Variants in CALY observed in about 807,000 individuals in gnomAD.
The protein encoded by CALY is neuron-specific vesicular protein calcyon.
In CALY, 15 loss-of-function variants were observed where a neutral mutation model predicts 20.2. The ratio of observed to expected loss-of-function variants is 0.74; its 90% confidence interval spans 0.50 to 1.14. CALY has a LOEUF of 1.14. Ranked by LOEUF, CALY falls within the 50% of genes most tolerant of loss-of-function variation. The probability of loss-of-function intolerance (pLI) is 0.00; values close to 1 mark genes in which losing one functional copy is unlikely to be tolerated. For synonymous variants in CALY, 129 were observed against 131.8 expected (o/e 0.98, Z 0.15); for missense variants, 270 against 304.4 (o/e 0.89, Z 0.84).
intron 1 of CALY, among the ~76,000 whole-genome samples, chr10:133,330,518 C>T (rs1360470203): frequency 7.1e-6 from 1 of 141,442 alleles, no homozygotes; most frequent in East Asian, 2.2e-4. Flanking sequence ...ATTAGCCGGG[C>T]GCGGTGGCGG....
Position 133,326,974 on chromosome 10 carries a change from C to T in CALY, c.264G>A (p.Met88Ile). ...CCAGTAGCGCCATGGCGAAGGCGAT[C>T]ATCCGTGCGGTGGGCAGCTGGCAGG... is the stretch of plus-strand genomic sequence containing the variant. The part of the protein sequence containing the change: ...EEGRRLPTAR[M>I]IAFAMALLGC... Residue 88 changes from methionine (M) to isoleucine (I), a missense_variant, in exon 4 of 6, where the codon ATG (methionine) becomes ATA (isoleucine). Coordinates refer to ENST00000252939, the MANE Select transcript of CALY (RefSeq NM_015722.4). The T allele has an allele frequency of 6.2e-7, 1 of 1,608,910 alleles. No individual in the cohort carries two copies. The highest frequency in any genetic ancestry group is 8.5e-7 in the Non-Finnish European group (1 of 1,178,704).
intron 2 of CALY, among the ~76,000 whole-genome samples, chr10:133,328,382 A>C (rs1460252307): frequency 6.6e-6 from 1 of 151,958 alleles, no homozygotes; most frequent in Non-Finnish European, 1.5e-5. Flanking sequence ...AGCAGGGACA[A>C]CTCGGGGTGC....
rs995082064 is a variant in CALY, at chr10:133,325,378, G to A, written c.*217C>T. 30 of 149,894 alleles carry A rather than the reference G, an allele frequency of 2.0e-4. No individual in the cohort carries two copies. Among genetic ancestry groups the A allele is most frequent in the Non-Finnish European group, 4.2e-4 (29 of 68,304 alleles). The allele number at this position is 149,894 out of a possible 1,614,324, so 9.3% of individuals were successfully genotyped here. A position where few individuals can be genotyped will look rare whatever the true frequency, so the allele number is the denominator to read the frequency against. On this transcript the variant is annotated 3_prime_UTR_variant, in exon 6 of 6. Coordinates refer to ENST00000252939, the MANE Select transcript of CALY (RefSeq NM_015722.4). ...TCACAACTGGCGGGGTGGGGGGCGG[G>A]AGAAAGGCCAGCCCGGCAGAGGACG...
chr10:133,329,678 A>G (rs1189657816), intron 1 of CALY, among the ~76,000 whole-genome samples: 1 of 152,134 alleles, frequency 6.6e-6, no homozygotes, highest in Non-Finnish European at 1.5e-5. Context: ...GACTCTAGAC[A>G]ACCTCCTAAA....
intron 3 of CALY, chr10:133,327,324 C>T (rs1848230800): frequency 2.0e-6 from 1 of 495,772 alleles, no homozygotes; most frequent in Admixed American, 3.5e-5. Context: ...GCCGCAGCCT[C>T]AGGGGAGTCG....
intron 2 of CALY, 82 bp from the exon 3 acceptor site, chr10:133,328,097 G>A: frequency 1.2e-6 from 1 of 843,112 alleles, no homozygotes; most frequent in South Asian, 1.4e-5. Context: ...GAGGGAGCCA[G>A]CGTCAGCTTC....
At chr10:133,331,568 A>T (rs10857701) in intron 1 of CALY, among the ~76,000 whole-genome samples, 27,300 of 152,158 alleles carry the variant, frequency 0.18, 2,821 homozygotes, top group African/African-American at 0.27. Flanking sequence ...AAAAGAGCTG[A>T]GGAGCAGGGA....
At chr10:133,326,473 C>G (rs953184603) in intron 4 of CALY, among the ~76,000 whole-genome samples, 1 of 151,642 alleles carries the variant, frequency 6.6e-6, no homozygotes, top group Non-Finnish European at 1.5e-5. Flanking sequence ...TAAAAACACA[C>G]TAAAAGCTAT....
chr10:133,328,635 G>A (rs1191669615), intron 2 of CALY, among the ~76,000 whole-genome samples: 5 of 152,210 alleles, frequency 3.3e-5, no homozygotes, highest in African/African-American at 7.2e-5. Flanking sequence ...GTGAATTCTC[G>A]GTTACCCATC....
At chr10:133,333,582 G>C (rs78557142) in intron 1 of CALY, among the ~76,000 whole-genome samples, 3,232 of 151,756 alleles carry the variant, frequency 0.021, 52 homozygotes, top group Middle Eastern at 0.034. Flanking sequence ...AGGATCCCAG[G>C]TGGGAAGGGT....
Position 133,324,516 on chromosome 10 carries a change from C to T in CALY, c.*1079G>A. 2.5e-6 allele frequency: 1 copy of T among 396,502 alleles called. No individual in the cohort carries two copies. The highest frequency in any genetic ancestry group is 1.7e-5 in the South Asian group (1 of 57,154). 24.6% of individuals were successfully genotyped at this position (396,502 alleles called of 1,614,324 possible). ...CTGCTGGCTGGGGTGGGCGGGGCTG[C>T]AGTGCTGCAATTGGCTGGGGTGGGC... On this transcript the variant is annotated 3_prime_UTR_variant, in exon 6 of 6. Coordinates refer to ENST00000252939, the MANE Select transcript of CALY (RefSeq NM_015722.4).
intron 1 of CALY, among the ~76,000 whole-genome samples, chr10:133,334,931 G>C (rs1037215535): frequency 6.6e-6 from 1 of 152,176 alleles, no homozygotes; most frequent in African/African-American, 2.4e-5. Flanking sequence ...CCGGGCTGAA[G>C]ACTCTTCCTG....
At chr10:133,326,149 G>A (rs772183544) in intron 4 of CALY, 29 bp from the exon 5 acceptor site, 1 of 1,590,032 alleles carries the variant, frequency 6.3e-7, no homozygotes, top group Non-Finnish European at 8.6e-7. Context: ...CAGGGTCGGT[G>A]GGGCTGAGCC....
chr10:133,335,250 T>G (rs1440709422), intron 1 of CALY, among the ~76,000 whole-genome samples: 1 of 151,878 alleles, frequency 6.6e-6, no homozygotes, highest in East Asian at 1.9e-4. Flanking sequence ...AAGCCCAGCC[T>G]CTCTACAGAC....
chr10:133,330,941 G>A (rs541694464), intron 1 of CALY, among the ~76,000 whole-genome samples: 35 of 152,266 alleles, frequency 2.3e-4, no homozygotes, highest in African/African-American at 7.7e-4. Flanking sequence ...TGAATCCAGC[G>A]AATACAACAA....
intron 4 of CALY, chr10:133,326,455 AG>A (rs1309675757): frequency 7.0e-6 from 4 of 572,032 alleles, no homozygotes; most frequent in Non-Finnish European, 1.3e-5. Context: ...GATAAATAAA[AG>A]GCTTTCTAAA....
chr10:133,330,957 CAT>C (rs1326599623), intron 1 of CALY, among the ~76,000 whole-genome samples: 1 of 152,194 alleles, frequency 6.6e-6, no homozygotes, highest in Non-Finnish European at 1.5e-5. Context: ...AACAAGGTAA[CAT>C]ATCATGACAG....
At position 133,324,931 on chromosome 10, in the gene CALY, G is replaced by C. The variant is rs2136165915; in HGVS notation, c.*664C>G. On this transcript the variant is annotated 3_prime_UTR_variant, in exon 6 of 6. Coordinates refer to ENST00000252939, the MANE Select transcript of CALY (RefSeq NM_015722.4). ...CTCATCAGGCCCCACTCCCCACTCA[G>C]ACGCCCCCATTCACTCCTTTCTTCA... 4.1e-5 allele frequency: 9 copies of C among 220,176 alleles called. No individual in the cohort carries two copies. The highest frequency in any genetic ancestry group is 1.6e-4 in the South Asian group (3 of 18,682). 13.6% of individuals were successfully genotyped at this position (220,176 alleles called of 1,614,324 possible).
chr10:133,333,281 G>T (rs1461494071), intron 1 of CALY, among the ~76,000 whole-genome samples: 14 of 59,690 alleles, frequency 2.3e-4, no homozygotes, highest in African/African-American at 8.7e-4. Flanking sequence ...GAGGGAGAAG[G>T]ATTGAGGGGG....
Sources: allele counts gnomAD v4.1 joint callset (sites outside exome capture counted in the v4.1 genomes callset), GRCh38; gene constraint gnomAD v4.1.1; transcripts MANE v1.5; gene names NCBI Gene and HGNC (gene_info 2026-07-23, HGNC 2026-07-21).